The following TMX2 variants were observed in gnomAD, a reference collection of about 807,000 sequenced individuals.
The protein encoded by TMX2 is thioredoxin related transmembrane protein 2, also known as thioredoxin-related transmembrane protein 2.
A neutral mutation model predicts 33.4 loss-of-function variants in TMX2; 20 were observed. The observed-to-expected ratio is 0.60, with a 90% CI of 0.42 to 0.87. The LOEUF (loss-of-function observed/expected upper bound fraction) is 0.87. Ranked by LOEUF, TMX2 falls within the 40% of genes least tolerant of loss-of-function variation. TMX2 has a pLI of 0.00. For synonymous variants in TMX2, 166 were observed against 140.7 expected, an observed-to-expected ratio of 1.18 and a Z score of -1.27; for missense variants, 340 against 370.7, an observed-to-expected ratio of 0.92 and a Z score of 0.68.
intron 1 of TMX2, among the ~76,000 whole-genome samples, chr11:57,716,764 T>C (rs1439969548): frequency 1.4e-5 from 2 of 141,846 alleles, no homozygotes; most frequent in Admixed American, 1.4e-4. Context: ...GCAGAGGGGC[T>C]CCTCACTTCC....
At chr11:57,720,418 T>G (rs553087095) in intron 1 of TMX2, among the ~76,000 whole-genome samples, 2 of 152,374 alleles carry the variant, frequency 1.3e-5, no homozygotes, top group South Asian at 4.1e-4. Context: ...TTTTCTTTTT[T>G]TTGAAACAGA....
intron 1 of TMX2, among the ~76,000 whole-genome samples, chr11:57,730,874 G>T (rs1012155845): frequency 9.9e-5 from 15 of 152,138 alleles, no homozygotes; most frequent in Non-Finnish European, 2.2e-4. Flanking sequence ...TCATAATACG[G>T]TTAGTAAGAA....
rs760626792 is a variant in TMX2 at position 57,712,642 on chromosome 11, T to A, written c.24T>A (p.Ile8=). The A allele has an allele frequency of 1.9e-6, 3 of 1,614,022 alleles. No individual in the cohort carries two copies. The South Asian group carries it at 3.3e-5, about 18-fold the overall frequency. ...AGATGGCGGTCTTGGCACCTCTAAT[T>A]GCTCTCGTGTATTCGGTGCCGCGAC... MAVLAPL[I]ALVYSVPRLS... is the part of the protein sequence containing the mutation. The change falls in exon 1 of 8, where the codon ATT becomes ATA. Residue 8 remains isoleucine (I), a synonymous_variant. Transcript: ENST00000278422.
chr11:57,737,148 C>T (rs761739389), intron 1 of TMX2, among the ~76,000 whole-genome samples: 2 of 152,200 alleles, frequency 1.3e-5, no homozygotes, highest in Middle Eastern at 3.4e-3. Context: ...TGAAAAGCAC[C>T]GCAGGCCTGG....
chr11:57,716,336 GCGGGGGGC>G (rs1947027733), intron 1 of TMX2, among the ~76,000 whole-genome samples: 1 of 134,214 alleles, frequency 7.5e-6, no homozygotes, highest in Admixed American at 7.1e-5. Flanking sequence ...GGCTGGCCGG[GCGGGGGGC>G]TGACCCCCAC....
chr11:57,725,155 C>T (rs922354519), intron 1 of TMX2, among the ~76,000 whole-genome samples: 3 of 152,134 alleles, frequency 2.0e-5, no homozygotes, highest in African/African-American at 7.2e-5. Flanking sequence ...CATGTAAATC[C>T]TCCATTGCAT....
chr11:57,717,976 G>C, intron 1 of TMX2: 1 of 748,726 alleles, frequency 1.3e-6, no homozygotes, highest in Non-Finnish European at 2.4e-6. Flanking sequence ...GTAGAGGGGT[G>C]CTCTCCTGAG....
At chr11:57,734,587 A>C (rs529034348) in intron 1 of TMX2, among the ~76,000 whole-genome samples, 1 of 151,752 alleles carries the variant, frequency 6.6e-6, no homozygotes, top group East Asian at 2.0e-4. Context: ...ATCTCTACTA[A>C]AAATACAAAA....
intron 1 of TMX2, among the ~76,000 whole-genome samples, chr11:57,719,922 C>T (rs1947480171): frequency 6.6e-6 from 1 of 152,076 alleles, no homozygotes; most frequent in African/African-American, 2.4e-5. Flanking sequence ...TTCCTTTTGC[C>T]ACCTTTGATA....
chr11:57,722,832 C>T (rs1364137406), intron 1 of TMX2, among the ~76,000 whole-genome samples: 1 of 152,096 alleles, frequency 6.6e-6, no homozygotes, highest in African/African-American at 2.4e-5. Context: ...ATTTTATTGG[C>T]TGGGGTGCAG....
chr11:57,729,833 C>T (rs566949688), intron 1 of TMX2, among the ~76,000 whole-genome samples: 14 of 150,462 alleles, frequency 9.3e-5, no homozygotes, highest in Admixed American at 7.2e-4. Context: ...GCGGGTAGGG[C>T]GCAGTGGCTC....
intron 1 of TMX2, among the ~76,000 whole-genome samples, chr11:57,722,084 C>T (rs1427896639): frequency 6.6e-6 from 1 of 152,152 alleles, no homozygotes; most frequent in Non-Finnish European, 1.5e-5. Flanking sequence ...CAGCCTCAAC[C>T]TGCTGCACTT....
chr11:57,732,148 A>G (rs1948446219), intron 1 of TMX2, among the ~76,000 whole-genome samples: 1 of 152,118 alleles, frequency 6.6e-6, no homozygotes, highest in African/African-American at 2.4e-5. Context: ...GTGTGCGTTG[A>G]TAAATTTTTC....
intron 1 of TMX2, among the ~76,000 whole-genome samples, chr11:57,726,061 A>T (rs1017039946): frequency 1.3e-5 from 2 of 152,110 alleles, no homozygotes; most frequent in African/African-American, 4.8e-5. Context: ...TTGTATAGCT[A>T]ATTGCTATAA....
In TMX2 at chr11:57,738,389, G is replaced by T; in HGVS notation, c.400G>T (p.Gly134Cys). 1 of 1,612,350 alleles carries T rather than the reference G, an allele frequency of 6.2e-7. No homozygotes were observed. The highest frequency in any genetic ancestry group is 8.5e-7 in the Non-Finnish European group (1 of 1,178,558). Reference sequence around the variant, plus strand: ...GACGTGCAAACCCCCCCTATATATGGGCCCTGAGTATATCAAGTACTTCAA... The same window carrying T: ...GACGTGCAAACCCCCCCTATATATGTGCCCTGAGTATATCAAGTACTTCAA... Reference protein sequence around the residue: ...LMTCKPPLYMGPEYIKYFNDK... With the variant: ...LMTCKPPLYMCPEYIKYFNDK... Residue 134 changes from glycine to cysteine, a missense_variant, in exon 4 of 8, where the codon GGC becomes TGC. Gly to Cys is a radical substitution (Grantham distance 159). This residue lies in a region of TMX2 where 209 missense variants were observed against 241.6 expected (regional missense o/e 0.87). Transcript: ENST00000278422.
intron 1 of TMX2, among the ~76,000 whole-genome samples, chr11:57,730,428 A>T (rs12791083): frequency 1.2e-3 from 4 of 3,226 alleles, no homozygotes; most frequent in Admixed American, 0.014. Context: ...ACTGTCTTTA[A>T]AAAAAAAAAA....
chr11:57,718,649 C>T (rs1947338533), intron 1 of TMX2: 2 of 336,214 alleles, frequency 5.9e-6, no homozygotes, highest in Non-Finnish European at 5.5e-6. Context: ...AAATAACCCC[C>T]CCTCTTTTTT....
intron 1 of TMX2, among the ~76,000 whole-genome samples, chr11:57,728,208 G>A (rs1948126719): frequency 6.6e-6 from 1 of 152,032 alleles, no homozygotes. Context: ...TGTCGCCCAG[G>A]CTGGAGTGCA....
chr11:57,739,767 A>AG (rs1254801712), intron 7 of TMX2, among the ~76,000 whole-genome samples: 5 of 151,712 alleles, frequency 3.3e-5, no homozygotes, highest in Non-Finnish European at 7.4e-5. Context: ...AAAAAAAAAA[A>AG]GATTCTGTCT....
Sources: allele counts gnomAD v4.1 joint callset (sites outside exome capture counted in the v4.1 genomes callset), GRCh38; gene constraint gnomAD v4.1.1; regional missense constraint gnomAD v4.1.1; transcripts MANE v1.5; gene names NCBI Gene and HGNC (gene_info 2026-07-23, HGNC 2026-07-21).